The following TTBK2 variants were observed in gnomAD, a reference collection of about 807,000 sequenced individuals.
TTBK2 encodes tau-tubulin kinase 2.
TTBK2 carries 28 observed loss-of-function variants against 110.8 expected under a neutral mutation model. The ratio of observed to expected loss-of-function variants is 0.25; its 90% CI spans 0.19 to 0.35. The LOEUF is 0.35. TTBK2 is among the 10% of genes least tolerant of loss of function. TTBK2 has a pLI of 1.00. For synonymous variants in TTBK2, 532 were observed against 527.3 expected, an observed-to-expected ratio of 1.01 and a Z score of -0.12; for missense variants, 1,369 against 1,500.3, an observed-to-expected ratio of 0.91 and a Z score of 1.45.
intron 9 of TTBK2, among the ~76,000 whole-genome samples, chr15:42,805,583 G>A (rs946119785): frequency 3.3e-5 from 5 of 152,174 alleles, no homozygotes; most frequent in African/African-American, 1.2e-4. Flanking sequence ...GAGATAAGGC[G>A]TAATGGGGCA....
At chr15:42,776,959 A>G in intron 12 of TTBK2, 72 bp downstream of exon 12, 1 of 1,493,528 alleles carries the variant, frequency 6.7e-7, no homozygotes. Flanking sequence ...ATATACAATA[A>G]TAATAACAAC....
chr15:42,797,242 G>A (rs1427090163), intron 9 of TTBK2, among the ~76,000 whole-genome samples: 1 of 152,226 alleles, frequency 6.6e-6, no homozygotes, highest in East Asian at 1.9e-4. Flanking sequence ...TCTGTACTGT[G>A]CTGCAACAGG....
chr15:42,745,240 G>A lies in TTBK2; in HGVS notation c.*555C>T, dbSNP rs1039978390. The A allele has an allele frequency of 6.4e-6, 1 of 157,240 alleles. No individual in the cohort carries two copies. The highest frequency in any genetic ancestry group is 2.4e-5 in the African/African-American group (1 of 41,380). The allele number at this position is 157,240 out of a possible 1,614,324, so 9.7% of individuals were successfully genotyped here. On this transcript the variant is annotated 3_prime_UTR_variant, in exon 15 of 15. Transcript: ENST00000267890. ...AAAAAAAAATCTGAACTCCAGGGAG[G>A]GTACTAGGAATGAGGCAAAGTAAAG...
intron 11 of TTBK2, among the ~76,000 whole-genome samples, chr15:42,780,347 C>CTT (rs201645746): frequency 7.1e-6 from 1 of 141,202 alleles, no homozygotes; most frequent in Non-Finnish European, 1.6e-5. Flanking sequence ...CATTCTTTTT[C>CTT]TTTTTTTTTT....
intron 1 of TTBK2, among the ~76,000 whole-genome samples, chr15:42,915,142 T>TA (rs2031010713): frequency 1.3e-5 from 2 of 152,242 alleles, no homozygotes; most frequent in African/African-American, 4.8e-5. Flanking sequence ...CCAAAAATAT[T>TA]AAATGGAGAA....
intron 13 of TTBK2, among the ~76,000 whole-genome samples, chr15:42,762,423 A>T (rs1307973987): frequency 6.6e-6 from 1 of 152,174 alleles, no homozygotes; most frequent in Non-Finnish European, 1.5e-5. Context: ...GGATAAAGAA[A>T]ATGTGGTATA....
chr15:42,801,628 C>T (rs1394799599), intron 9 of TTBK2: 4 of 821,708 alleles, frequency 4.9e-6, no homozygotes, highest in Admixed American at 3.4e-5. Flanking sequence ...GCACCTTGAC[C>T]TCAGGGATGA....
intron 3 of TTBK2, among the ~76,000 whole-genome samples, chr15:42,865,330 C>A (rs767706882): frequency 6.6e-6 from 1 of 151,836 alleles, no homozygotes; most frequent in Non-Finnish European, 1.5e-5. Context: ...CACAGTGGCA[C>A]GCATCTGTAG....
At chr15:42,776,501 G>C (rs1889929682) in intron 12 of TTBK2, among the ~76,000 whole-genome samples, 1 of 152,046 alleles carries the variant, frequency 6.6e-6, no homozygotes, top group African/African-American at 2.4e-5. Flanking sequence ...TTTCTCTCTA[G>C]GTAGATTGCA....
intron 4 of TTBK2, among the ~76,000 whole-genome samples, chr15:42,835,284 G>C (rs1038495542): frequency 1.3e-4 from 20 of 152,132 alleles, no homozygotes; most frequent in Non-Finnish European, 2.5e-4. Flanking sequence ...CTGAAAGACA[G>C]ACAACCAGAT....
chr15:42,831,022 A>ATATG (rs1328218920), intron 4 of TTBK2, among the ~76,000 whole-genome samples: 12 of 145,546 alleles, frequency 8.2e-5, no homozygotes, highest in African/African-American at 2.5e-4. Context: ...AAATGTATAT[A>ATATG]TGTGTGTGTG....
At chr15:42,851,224 G>A (rs1343852945) in intron 3 of TTBK2, among the ~76,000 whole-genome samples, 10 of 150,420 alleles carry the variant, frequency 6.6e-5, no homozygotes, top group African/African-American at 1.5e-4. Context: ...CTCCAGCCTC[G>A]GCGACAGAGC....
intron 3 of TTBK2, among the ~76,000 whole-genome samples, chr15:42,857,965 C>T (rs1279595028): frequency 1.3e-5 from 2 of 152,228 alleles, no homozygotes; most frequent in African/African-American, 4.8e-5. Flanking sequence ...TGCCTGTCGT[C>T]CCAGCTACTA....
chr15:42,827,181 C>G (rs1361288862), intron 6 of TTBK2, among the ~76,000 whole-genome samples: 8 of 152,214 alleles, frequency 5.3e-5, no homozygotes, highest in Admixed American at 5.2e-4. Context: ...AGACGCACCA[C>G]CCTGAAGAGC....
At chr15:42,808,883 T>C (rs150015984) in intron 9 of TTBK2, among the ~76,000 whole-genome samples, 36 of 152,206 alleles carry the variant, frequency 2.4e-4, no homozygotes, top group African/African-American at 8.7e-4. Flanking sequence ...AAATAAAATC[T>C]TGAAAGAACA....
Position 42,907,722 on chromosome 15 carries a change from A to C in TTBK2, c.-68+12716T>G, listed in dbSNP as rs544206686. The stretch of plus-strand genomic sequence containing the variant: ...ATATAAATGTATTTATTGTTACTAA[A>C]CTGTACATATAAAATGGTAAAGATG... On this transcript the variant is annotated intron_variant, in intron 1 of 14. Transcript: ENST00000267890. Among the ~76,000 whole-genome samples, 5 of 152,180 alleles carry C rather than the reference A, an allele frequency of 3.3e-5. No individual in the cohort carries two copies. In the South Asian group the frequency reaches 1.0e-3, roughly 32 times the overall value.
At chr15:42,825,273 A>G (rs1892480964) in intron 6 of TTBK2, among the ~76,000 whole-genome samples, 1 of 152,222 alleles carries the variant, frequency 6.6e-6, no homozygotes, top group African/African-American at 2.4e-5. Flanking sequence ...CCTAACTCCA[A>G]AACAAGTACC....
intron 6 of TTBK2, among the ~76,000 whole-genome samples, chr15:42,817,840 G>A (rs1230624839): frequency 2.0e-5 from 3 of 152,104 alleles, no homozygotes; most frequent in East Asian, 1.9e-4. Context: ...TCTCCAGCTG[G>A]AATGCCAGCT....
chr15:42,810,010 TG>T (rs919515142), intron 9 of TTBK2, among the ~76,000 whole-genome samples: 3 of 152,218 alleles, frequency 2.0e-5, no homozygotes, highest in African/African-American at 7.2e-5. Context: ...ATGTTTTCAG[TG>T]GTAGCAATTA....
Sources: gnomAD v4.1 joint callset for allele counts (sites outside exome capture counted in the v4.1 genomes callset) on GRCh38, gnomAD v4.1.1 for gene constraint, MANE v1.5 for transcripts, NCBI Gene and HGNC (gene_info 2026-07-23, HGNC 2026-07-21) for gene names.